CUL9: variants seen among roughly 807,000 people sequenced by gnomAD.
The protein encoded by CUL9 is cullin 9, also known as cullin-9.
In CUL9, 79 loss-of-function variants were observed where a neutral mutation model predicts 272.6. The ratio of observed to expected loss-of-function variants is 0.29; its 90% CI spans 0.24 to 0.35. CUL9 has a LOEUF of 0.35. Ranked by LOEUF, CUL9 falls within the 10% of genes least tolerant of loss-of-function variation. The probability of loss-of-function intolerance (pLI) is 1.00; values close to 1 mark genes in which losing one functional copy is unlikely to be tolerated. For synonymous variants in CUL9, 1,186 were observed against 1,286.5 expected, an observed-to-expected ratio of 0.92 and a Z score of 1.67; for missense variants, 2,532 against 3,255.6, an observed-to-expected ratio of 0.78 and a Z score of 5.41.
Position 43,222,770 on chromosome 6 carries a change from C to A in CUL9, c.7033-9C>A. The A allele has an allele frequency of 6.2e-7, 1 of 1,612,504 alleles. No homozygotes were observed. Among genetic ancestry groups the A allele is most frequent in the Non-Finnish European group, 8.5e-7 (1 of 1,178,804 alleles). On this transcript the variant is annotated splice_polypyrimidine_tract_variant and intron_variant, in intron 37 of 40. Transcript: ENST00000252050. The stretch of plus-strand genomic sequence containing the variant: ...GGGCAGGCGGGAGAGCTGATGGGAG[C>A]CCCTGCAGGTGCTGGCCTACGCCTG...
Position 43,184,586 on chromosome 6 carries a change from A to G in CUL9, c.276A>G (p.Glu92=). 1 of 1,612,888 alleles carries G rather than the reference A, an allele frequency of 6.2e-7. No homozygotes were observed. The highest frequency in any genetic ancestry group is 8.5e-7 in the Non-Finnish European group (1 of 1,179,038). ...ERALSKGLQH[E]PAGVSGSFPR... ...CACTATCTAAGGGACTTCAGCACGA[A>G]CCAGCTGGGGTTTCAGGAAGCTTTC... The change falls in exon 2 of 41, where the codon GAA becomes GAG. Residue 92 remains glutamate (E), a synonymous_variant. Transcript: ENST00000252050. This position sits in a 1 kb window ranked among gnomAD's most constrained non-coding sequence, Gnocchi z 4.8.
At position 43,221,136 on chromosome 6, in the gene CUL9, C is replaced by T. The variant is rs376561228; in HGVS notation, c.6589-22C>T. On this transcript the variant is annotated intron_variant, in intron 33 of 40. Coordinates refer to ENST00000252050, the MANE Select transcript of CUL9 (RefSeq NM_015089.4). The surrounding 1 kb of genome is among the most constrained non-coding windows in gnomAD (Gnocchi z 4.2). ...CTGCCCTCACGGCTCAGCTGTGTCC[C>T]CACCATGCCCTCTTGCCTTAGGCAC... is the stretch of plus-strand genomic sequence containing the variant. 1.5e-4 allele frequency: 248 copies of T among 1,608,162 alleles called. 3 individuals carry two copies. In the East Asian group the frequency reaches 2.9e-3, roughly 19 times the overall value.
At chr6:43,188,790 T>C in intron 8 of CUL9, 75 bp downstream of exon 8, 1 of 1,267,190 alleles carries the variant, frequency 7.9e-7, no homozygotes, top group Admixed American at 2.4e-5. Flanking sequence ...GAAGGAGCTT[T>C]GAGATCACGA....
intron 35 of CUL9, 200 bp from the exon 36 acceptor site, chr6:43,222,116 A>G (rs1776415938): frequency 3.3e-6 from 2 of 612,160 alleles, no homozygotes; most frequent in Non-Finnish European, 5.8e-6. Context: ...GGCTTTGAGC[A>G]AGTTCATTTA....
chr6:43,223,501 A>G lies in CUL9; in HGVS notation c.7284+104A>G. 1 of 1,440,420 alleles carries G rather than the reference A, an allele frequency of 6.9e-7. No individual in the cohort carries two copies. Among genetic ancestry groups the G allele is most frequent in the Non-Finnish European group, 9.3e-7 (1 of 1,080,108 alleles). 89.2% of individuals were successfully genotyped at this position (1,440,420 alleles called of 1,614,324 possible). A position where few individuals can be genotyped will look rare whatever the true frequency, so the allele number is the denominator to read the frequency against. Reference sequence around the variant, plus strand: ...CTGGGGCGAGTCCAGAAGGAAAGGCAGCAAAGCGGGTGAATGGATGTTAGA... The same window carrying G: ...CTGGGGCGAGTCCAGAAGGAAAGGCGGCAAAGCGGGTGAATGGATGTTAGA... On this transcript the variant is annotated intron_variant, in intron 39 of 40. Coordinates refer to ENST00000252050, the MANE Select transcript of CUL9 (RefSeq NM_015089.4). This position sits in a 1 kb window ranked among gnomAD's most constrained non-coding sequence, Gnocchi z 4.1.
rs766189792 is a variant in CUL9, at chr6:43,206,043, G to C, written c.4830G>C (p.Ser1610=). 1.2e-6 allele frequency: 2 copies of C among 1,614,072 alleles called. No individual in the cohort carries two copies. The highest frequency in any genetic ancestry group is 1.7e-5 in the Admixed American group (1 of 59,988). ...YMADRLLSFG[S]SWLEGAVLEQ... ...CGGACCGTCTCCTGAGCTTTGGTTC[G>C]AGCTGGCTGGAGGGGGCTGTGCTAG... The change falls in exon 25 of 41, where the codon TCG becomes TCC. Residue 1610 remains serine, a synonymous_variant. Transcript: ENST00000252050. This position sits in a 1 kb window ranked among gnomAD's most constrained non-coding sequence, Gnocchi z 4.8.
Position 43,187,899 on chromosome 6 carries a change from T to G in CUL9, c.1768T>G (p.Cys590Gly), listed in dbSNP as rs145277223. ...CTCGTCTACTTCACGAAATCACTCC[T>G]GTACCCCAGATCCAGAAGAGGAGTC... ...SSSSTSRNHSCTPDPEEESKS... is the reference protein window; with the variant it reads ...SSSSTSRNHSGTPDPEEESKS... Residue 590 changes from cysteine to glycine, a missense_variant, in exon 7 of 41, where the codon TGT (cysteine) becomes GGT (glycine). Cys to Gly is a radical substitution (Grantham distance 159, BLOSUM62 -3). Transcript: ENST00000252050. 4.3e-6 allele frequency: 7 copies of G among 1,613,988 alleles called. No individual in the cohort carries two copies. Among genetic ancestry groups the G allele is most frequent in the Non-Finnish European group, 5.9e-6 (7 of 1,180,026 alleles).
In CUL9 at chr6:43,199,230, C is replaced by G. The variant is rs1272512036; in HGVS notation, c.3051-36C>G. ...GGATTACAGGCATGAGCCACTGTGC[C>G]TGGCCTGACTTCACTCGTTTCTACC... On this transcript the variant is annotated intron_variant, in intron 12 of 40. Transcript: ENST00000252050. This position sits in a 1 kb window ranked among gnomAD's most constrained non-coding sequence, Gnocchi z 4.4. 6.5e-7 allele frequency: 1 copy of G among 1,547,586 alleles called. No homozygotes were observed. The highest frequency in any genetic ancestry group is 1.1e-5 in the South Asian group (1 of 89,636).
At position 43,222,397 on chromosome 6, in the gene CUL9, C is replaced by T. The variant is rs62417521; in HGVS notation, c.6921+7C>T. The T allele has an allele frequency of 0.079, 112,057 of 1,410,846 alleles. 4,327 individuals are homozygous for T. The highest frequency in any genetic ancestry group is 0.086 in the Non-Finnish European group (91,391 of 1,058,608). The allele number at this position is 1,410,846 out of a possible 1,614,324, so 87.4% of individuals were successfully genotyped here. ...TTTCCATCACCAGGCGCGGGTGAGTCGGGAGGAAACAGCGGGTAGATGCCT... is the reference window on the plus strand; with the variant it reads ...TTTCCATCACCAGGCGCGGGTGAGTTGGGAGGAAACAGCGGGTAGATGCCT... On this transcript the variant is annotated splice_region_variant and intron_variant, in intron 36 of 40. Coordinates refer to ENST00000252050, the MANE Select transcript of CUL9 (RefSeq NM_015089.4).
At chr6:43,188,372 A>T in intron 7 of CUL9, 151 bp from the exon 8 acceptor site, 1 of 844,844 alleles carries the variant, frequency 1.2e-6, no homozygotes, top group Non-Finnish European at 1.8e-6. Flanking sequence ...TTTGATCATT[A>T]GATCCCTGAC....
At position 43,187,068 on chromosome 6, in the gene CUL9, G is replaced by A. The variant is rs145250491; in HGVS notation, c.1360G>A (p.Gly454Arg). 1 of 1,614,110 alleles carries A rather than the reference G, an allele frequency of 6.2e-7. No individual in the cohort carries two copies. Among genetic ancestry groups the A allele is most frequent in the Non-Finnish European group, 8.5e-7 (1 of 1,179,952 alleles). ...EDKASAAVEKGAGATVLGTAF... is the reference protein window; with the variant it reads ...EDKASAAVEKRAGATVLGTAF... The stretch of plus-strand genomic sequence containing the variant: ...TAAGGCTTCAGCAGCTGTGGAGAAG[G>A]GGGCAGGGGCTACTGTGTTGGGCAC... Residue 454 changes from glycine (G) to arginine (R), a missense_variant, in exon 5 of 41, where the codon GGG (glycine) becomes AGG (arginine). Transcript: ENST00000252050.
Position 43,221,091 on chromosome 6 carries a change from T to G in CUL9, c.6589-67T>G. The G allele has an allele frequency of 6.4e-7, 1 of 1,568,648 alleles. No homozygotes were observed. The highest frequency in any genetic ancestry group is 1.3e-5 in the African/African-American group (1 of 74,108). On this transcript the variant is annotated intron_variant, in intron 33 of 40. Transcript: ENST00000252050. This position sits in a 1 kb window ranked among gnomAD's most constrained non-coding sequence, Gnocchi z 4.2. Reference sequence around the variant, plus strand: ...TGTGATCTGTGCCTGCTCCCCTCTCTCCTGTGCACACCAGCCATGCTGCCC... The same window carrying G: ...TGTGATCTGTGCCTGCTCCCCTCTCGCCTGTGCACACCAGCCATGCTGCCC...
chr6:43,213,330 C>A lies in CUL9; in HGVS notation c.5358+36C>A, dbSNP rs1247821950. ...CCTTAGCCTCTCTCTGCCTTCTCTG[C>A]TACCTTATCTGTCGCTGTTCTCCTC... On this transcript the variant is annotated intron_variant, in intron 27 of 40. Coordinates refer to ENST00000252050, the MANE Select transcript of CUL9 (RefSeq NM_015089.4). This position sits in a 1 kb window ranked among gnomAD's most constrained non-coding sequence, Gnocchi z 5.7. The A allele has an allele frequency of 6.2e-7, 1 of 1,612,296 alleles. No individual in the cohort carries two copies. Among genetic ancestry groups the A allele is most frequent in the African/African-American group, 1.3e-5 (1 of 74,926 alleles).
At position 43,206,565 on chromosome 6, in the gene CUL9, A is replaced by G; in HGVS notation, c.5212+55A>G. 6.5e-7 allele frequency: 1 copy of G among 1,549,194 alleles called. No individual in the cohort carries two copies. The highest frequency in any genetic ancestry group is 8.9e-7 in the Non-Finnish European group (1 of 1,121,934). On this transcript the variant is annotated intron_variant, in intron 26 of 40. Transcript: ENST00000252050. The surrounding 1 kb of genome is among the most constrained non-coding windows in gnomAD (Gnocchi z 4.8). Reference sequence around the variant, plus strand: ...TCGGGGTGAGATTCGGGGTGGCAAGAGAGGAAGAGGAGAGGACCTTTGGAC... The same window carrying G: ...TCGGGGTGAGATTCGGGGTGGCAAGGGAGGAAGAGGAGAGGACCTTTGGAC...
At position 43,220,250 on chromosome 6, in the gene CUL9, C is replaced by T. The variant is rs1006715729; in HGVS notation, c.6283-209C>T. Among the ~76,000 whole-genome samples the T allele has an allele frequency of 6.6e-6, 1 of 152,196 alleles. No homozygotes were observed. Among genetic ancestry groups the T allele is most frequent in the Non-Finnish European group, 1.5e-5 (1 of 68,044 alleles). Reference sequence around the variant, plus strand: ...GATTAGGCAAATACACAGCCCACCCCATCCTCAAAGACAACTGTAATTTGG... The same window carrying T: ...GATTAGGCAAATACACAGCCCACCCTATCCTCAAAGACAACTGTAATTTGG... On this transcript the variant is annotated intron_variant, in intron 31 of 40. Transcript: ENST00000252050. The surrounding 1 kb of genome is among the most constrained non-coding windows in gnomAD (Gnocchi z 4.9).
chr6:43,191,104 A>G (rs1773421066), intron 8 of CUL9, among the ~76,000 whole-genome samples: 3 of 151,616 alleles, frequency 2.0e-5, no homozygotes, highest in Admixed American at 2.0e-4. Flanking sequence ...TTATAAAAAT[A>G]TTTTCCTATA....
intron 26 of CUL9, among the ~76,000 whole-genome samples, chr6:43,210,887 GCTAT>G (rs564349065): frequency 3.1e-4 from 47 of 151,964 alleles, no homozygotes; most frequent in Non-Finnish European, 7.4e-5. Flanking sequence ...GGGTTTTTGT[GCTAT>G]CTTTTTCTTT....
In CUL9 at chr6:43,184,978, T is replaced by G; in HGVS notation, c.595+73T>G. ...ACAGGGAATAAGAAAGAGGAGAGAT[T>G]TCCTAGCTCTGTAAGAACACCTAGT... is the stretch of plus-strand genomic sequence containing the variant. On this transcript the variant is annotated intron_variant, in intron 2 of 40. Transcript: ENST00000252050. The surrounding 1 kb of genome is among the most constrained non-coding windows in gnomAD (Gnocchi z 4.8). 2.6e-5 allele frequency: 28 copies of G among 1,086,972 alleles called. No individual in the cohort carries two copies. Among genetic ancestry groups the G allele is most frequent in the Middle Eastern group, 2.1e-4 (1 of 4,862 alleles). The allele number at this position is 1,086,972 out of a possible 1,614,324, so 67.3% of individuals were successfully genotyped here.
chr6:43,186,051 G>C lies in CUL9; in HGVS notation c.847G>C (p.Asp283His). ...TAGCAGTCCAGAGCTGGGAGCTGGA[G>C]ACCAAAGCTCCCCATGTGCCACAAG... Reference protein sequence around the residue: ...LNSSPELGAGDQSSPCATREK... With the variant: ...LNSSPELGAGHQSSPCATREK... Residue 283 changes from aspartate to histidine, a missense_variant, in exon 4 of 41, where the codon GAC becomes CAC. Physicochemically the swap from Asp to His is moderately conservative, Grantham distance 81. This residue lies in a region of CUL9 where 2,218 missense variants were observed against 2,788.6 expected (regional missense o/e 0.80). Transcript: ENST00000252050. 6.2e-7 allele frequency: 1 copy of C among 1,614,254 alleles called. No homozygotes were observed.
Sources: allele counts gnomAD v4.1 joint callset (sites outside exome capture counted in the v4.1 genomes callset), GRCh38; gene constraint gnomAD v4.1.1; regional missense constraint gnomAD v4.1.1; non-coding constraint Gnocchi (gnomAD v3.1); transcripts MANE v1.5; gene names NCBI Gene and HGNC (gene_info 2026-07-23, HGNC 2026-07-21).